AACS: variants seen among roughly 807,000 people sequenced by gnomAD.
AACS encodes acetoacetate-CoA ligase.
Under a neutral mutation model 83.1 loss-of-function variants are expected in AACS, and 69 were observed. The ratio of observed to expected loss-of-function variants is 0.83; its 90% confidence interval spans 0.68 to 1.01. AACS has a LOEUF of 1.01. Among genes scored for constraint, AACS ranks in the 50% least tolerant of loss-of-function variants. The pLI is 0.00. For synonymous variants in AACS, 333 were observed against 343.4 expected, an observed-to-expected ratio of 0.97 and a Z score of 0.33; for missense variants, 866 against 882.2, an observed-to-expected ratio of 0.98 and a Z score of 0.23.
chr12:125,083,756 C>T (rs1034587378), intron 3 of AACS, among the ~76,000 whole-genome samples: 1 of 152,018 alleles, frequency 6.6e-6, no homozygotes, highest in Admixed American at 6.6e-5. Flanking sequence ...TGGGTTCAAG[C>T]AATTCTCCTG....
intron 1 of AACS, among the ~76,000 whole-genome samples, chr12:125,067,460 C>T (rs1011038453): frequency 3.3e-5 from 5 of 152,036 alleles, no homozygotes; most frequent in African/African-American, 7.2e-5. Flanking sequence ...AATTTCAGAT[C>T]GGGCAGCCCT....
At chr12:125,090,226 T>TCTGTCTACACA (rs1565932119) in intron 4 of AACS, among the ~76,000 whole-genome samples, 3 of 16,824 alleles carry the variant, frequency 1.8e-4, no homozygotes, top group South Asian at 2.2e-3. Flanking sequence ...TATCCATCCA[T>TCTGTCTACACA]TTATTATGCT....
At chr12:125,095,512 C>G (rs887525823) in intron 5 of AACS, among the ~76,000 whole-genome samples, 3 of 152,204 alleles carry the variant, frequency 2.0e-5, no homozygotes, top group Non-Finnish European at 4.4e-5. Flanking sequence ...CCCTCCGGGG[C>G]TCTCCCAGGC....
chr12:125,094,901 A>T lies in AACS; in HGVS notation c.570+3378A>T, dbSNP rs1480149153. ...ATTTTCAGAGATGTCAGGGAAGGCC[A>T]CCCTCTGATCCCTGCACACCAGAGA... On this transcript the variant is annotated intron_variant, in intron 5 of 17. Transcript: ENST00000316519. This position sits in a 1 kb window ranked among gnomAD's most constrained non-coding sequence, Gnocchi z 4.1. Among the ~76,000 whole-genome samples the T allele has an allele frequency of 3.3e-5, 5 of 151,502 alleles. No individual in the cohort carries two copies. Among genetic ancestry groups the T allele is most frequent in the Admixed American group, 1.3e-4 (2 of 15,196 alleles).
At chr12:125,070,547 T>A (rs577279459) in intron 1 of AACS, among the ~76,000 whole-genome samples, 1 of 152,180 alleles carries the variant, frequency 6.6e-6, no homozygotes, top group African/African-American at 2.4e-5. Flanking sequence ...TCAGCTAAGA[T>A]TTGAAGGTGT....
At chr12:125,079,718 C>A (rs1204659000) in intron 3 of AACS, among the ~76,000 whole-genome samples, 1 of 152,146 alleles carries the variant, frequency 6.6e-6, no homozygotes, top group Non-Finnish European at 1.5e-5. Context: ...GCATATAATT[C>A]ATATACCACA....
In AACS at chr12:125,112,188, A is replaced by G. The variant is rs1466666943; in HGVS notation, c.916-2289A>G. Among the ~76,000 whole-genome samples the G allele has an allele frequency of 2.0e-5, 3 of 152,206 alleles. No individual in the cohort carries two copies. The East Asian group carries it at 5.8e-4, about 29-fold the overall frequency. ...CCAAATTATTGCCTACCCACTGTGCAGGAGAACAGATTGTCATGTAACTTT... is the reference window on the plus strand; with the variant it reads ...CCAAATTATTGCCTACCCACTGTGCGGGAGAACAGATTGTCATGTAACTTT... On this transcript the variant is annotated intron_variant, in intron 8 of 17. Transcript: ENST00000316519.
In AACS at chr12:125,114,495, C is replaced by T; in HGVS notation, c.934C>T (p.Leu312=). 6.2e-7 allele frequency: 1 copy of T among 1,613,486 alleles called. No individual in the cohort carries two copies. Among genetic ancestry groups the T allele is most frequent in the Non-Finnish European group, 8.5e-7 (1 of 1,179,766 alleles). Residue 312 remains leucine (L), a synonymous_variant, in exon 9 of 18, where the codon CTG becomes TTG. Transcript: ENST00000316519. ...HSAGGTLIQH[L]KEHLLHGNMT... ...CCTGCAGGGCACCCTCATCCAGCAT[C>T]TGAAGGAGCACCTGCTGCACGGCAA...
chr12:125,078,288 A>G (rs1472979816), intron 3 of AACS: 2 of 455,354 alleles, frequency 4.4e-6, no homozygotes, highest in Non-Finnish European at 8.8e-6. Flanking sequence ...GCTTCCATGT[A>G]TTTTCAAAGC....
At chr12:125,128,092 T>TG in intron 12 of AACS, 69 bp from the exon 13 acceptor site, 5 of 1,185,740 alleles carry the variant, frequency 4.2e-6, no homozygotes, top group Non-Finnish European at 6.0e-6. Context: ...TCTCCTTTGT[T>TG]GCTCACTAAT....
chr12:125,136,553 AG>A, intron 16 of AACS, 108 bp from the exon 17 acceptor site: 1 of 823,312 alleles, frequency 1.2e-6, no homozygotes, highest in Non-Finnish European at 1.9e-6. Flanking sequence ...CACCGCTGGA[AG>A]GCTTGGGGGA....
Position 125,080,301 on chromosome 12 carries a change from TG to T in AACS, c.358+3693del, listed in dbSNP as rs535267263. Among the ~76,000 whole-genome samples the T allele has an allele frequency of 3.7e-3, 568 of 152,240 alleles. 4 individuals carry two copies. The highest frequency in any genetic ancestry group is 0.013 in the African/African-American group (544 of 41,546). On this transcript the variant is annotated intron_variant, in intron 3 of 17. Coordinates refer to ENST00000316519, the MANE Select transcript of AACS (RefSeq NM_023928.5). ...TGAGCTCCTGGTTTCTCCTGTAAAG[TG>T]GGAACGGTCAAATGTGAATCCTTAA...
intron 9 of AACS, among the ~76,000 whole-genome samples, chr12:125,115,549 C>T (rs542719638): frequency 1.4e-4 from 22 of 152,330 alleles, no homozygotes; most frequent in East Asian, 1.2e-3. Context: ...CGTGAGCCAC[C>T]GCCCCTGGCC....
chr12:125,085,666 A>C (rs1956324160), intron 3 of AACS, among the ~76,000 whole-genome samples: 1 of 152,016 alleles, frequency 6.6e-6, no homozygotes. Context: ...TTTATGGAGG[A>C]TGTAGCCACT....
At chr12:125,104,217 G>A (rs939897508) in intron 7 of AACS, among the ~76,000 whole-genome samples, 3 of 152,084 alleles carry the variant, frequency 2.0e-5, no homozygotes, top group African/African-American at 7.2e-5. Context: ...GGCCACTGGA[G>A]GGCACCTTGT....
chr12:125,074,497 T>C (rs1189979301), intron 2 of AACS, among the ~76,000 whole-genome samples: 1 of 151,694 alleles, frequency 6.6e-6, no homozygotes, highest in Non-Finnish European at 1.5e-5. Context: ...CAGTGAGCTG[T>C]GACTGCGCCA....
intron 14 of AACS, among the ~76,000 whole-genome samples, chr12:125,133,054 T>C (rs957670746): frequency 6.6e-6 from 1 of 152,250 alleles, no homozygotes; most frequent in African/African-American, 2.4e-5. Context: ...GGGGCGTTAT[T>C]GCAGGAGGCC....
rs538217753 is a variant in AACS, at chr12:125,130,184, C to T, written c.1549+724C>T. ...AGGTAATCTGGTTTAGCACAGACCACGTATGGAGAATCAGAAAGCGGTAAG... is the reference window on the plus strand; with the variant it reads ...AGGTAATCTGGTTTAGCACAGACCATGTATGGAGAATCAGAAAGCGGTAAG... On this transcript the variant is annotated intron_variant, in intron 14 of 17. Transcript: ENST00000316519. The surrounding 1 kb of genome is among the most constrained non-coding windows in gnomAD (Gnocchi z 4.9). Among the ~76,000 whole-genome samples the T allele has an allele frequency of 2.0e-5, 3 of 152,364 alleles. No homozygotes were observed. Among genetic ancestry groups the T allele is most frequent in the South Asian group, 2.1e-4 (1 of 4,830 alleles).
At chr12:125,136,895 G>A (rs548096078) in intron 17 of AACS, 31 bp downstream of exon 17, 20 of 1,604,918 alleles carry the variant, frequency 1.2e-5, no homozygotes, top group African/African-American at 1.2e-4. Flanking sequence ...CGAGGAGACC[G>A]CAGCCATCGC....
Sources: gnomAD v4.1 joint callset for allele counts (sites outside exome capture counted in the v4.1 genomes callset) on GRCh38, gnomAD v4.1.1 for gene constraint, Gnocchi (gnomAD v3.1) non-coding constraint, MANE v1.5 for transcripts, NCBI Gene and HGNC (gene_info 2026-07-23, HGNC 2026-07-21) for gene names.